The following PTPRG variants were observed in gnomAD, a reference collection of about 807,000 sequenced individuals.
PTPRG encodes the protein receptor-type tyrosine-protein phosphatase gamma.
Under a neutral mutation model 165.3 loss-of-function variants are expected in PTPRG, and 102 were observed. The ratio of observed to expected loss-of-function variants is 0.62; its 90% CI spans 0.53 to 0.73. PTPRG has a LOEUF of 0.73. Among genes scored for constraint, PTPRG ranks in the 30% least tolerant of loss-of-function variants. PTPRG has a pLI of 0.00. For synonymous variants in PTPRG, 675 were observed against 669.5 expected (o/e 1.01, Z -0.13); for missense variants, 1,866 against 1,861.4 (o/e 1.00, Z -0.05).
intron 4 of PTPRG, among the ~76,000 whole-genome samples, chr3:62,067,765 G>A (rs553441016): frequency 1.6e-4 from 25 of 152,278 alleles, no homozygotes; most frequent in Non-Finnish European, 3.5e-4. Context: ...ACAGGAGGCA[G>A]AGCTCAGTCA....
At chr3:62,150,823 T>A (rs1704306777) in intron 6 of PTPRG, among the ~76,000 whole-genome samples, 1 of 152,206 alleles carries the variant, frequency 6.6e-6, no homozygotes, top group Non-Finnish European at 1.5e-5. Flanking sequence ...CCACATCCTG[T>A]CCAAATAACC....
intron 1 of PTPRG, among the ~76,000 whole-genome samples, chr3:61,678,290 C>T (rs189370528): frequency 1.1e-4 from 16 of 152,116 alleles, no homozygotes; most frequent in Admixed American, 3.9e-4. Flanking sequence ...GGTAGCCCGA[C>T]GGGTTTAAAA....
At chr3:61,894,748 G>T (rs1359245674) in intron 2 of PTPRG, among the ~76,000 whole-genome samples, 2 of 152,182 alleles carry the variant, frequency 1.3e-5, no homozygotes, top group East Asian at 3.8e-4. Context: ...TCCTTGGGAT[G>T]AATCAGATTT....
intron 1 of PTPRG, among the ~76,000 whole-genome samples, chr3:61,684,242 T>G (rs1372305927): frequency 1.3e-5 from 2 of 152,254 alleles, no homozygotes; most frequent in Non-Finnish European, 1.5e-5. Flanking sequence ...GTGGTGATGG[T>G]GGGGGATCTC....
At chr3:62,015,579 C>G (rs1345883573) in intron 4 of PTPRG, among the ~76,000 whole-genome samples, 2 of 152,144 alleles carry the variant, frequency 1.3e-5, no homozygotes, top group Non-Finnish European at 2.9e-5. Context: ...TGGGCTAATG[C>G]AATCGTTCCA....
intron 2 of PTPRG, among the ~76,000 whole-genome samples, chr3:61,949,934 G>A (rs1036953520): frequency 2.0e-5 from 3 of 152,028 alleles, no homozygotes; most frequent in African/African-American, 7.2e-5. Context: ...TTTTAGTAGA[G>A]ACTGGATTTC....
chr3:61,884,751 T>C (rs2037983338), intron 2 of PTPRG, among the ~76,000 whole-genome samples: 1 of 152,222 alleles, frequency 6.6e-6, no homozygotes, highest in Non-Finnish European at 1.5e-5. Context: ...TTTATTTACC[T>C]TTCAAGGGCC....
At chr3:62,101,016 T>C (rs897421266) in intron 5 of PTPRG, among the ~76,000 whole-genome samples, 1 of 152,212 alleles carries the variant, frequency 6.6e-6, no homozygotes, top group Non-Finnish European at 1.5e-5. Flanking sequence ...TGTTAAGACA[T>C]TTGAAGAATC....
intron 2 of PTPRG, among the ~76,000 whole-genome samples, chr3:61,795,666 AAGT>A (rs1242838673): frequency 2.1e-5 from 3 of 143,132 alleles, no homozygotes; most frequent in African/African-American, 7.7e-5. Context: ...AAAAAAAAAA[AAGT>A]GGGAATAGTA....
At chr3:61,677,117 C>T (rs1466282568) in intron 1 of PTPRG, among the ~76,000 whole-genome samples, 2 of 151,884 alleles carry the variant, frequency 1.3e-5, no homozygotes, top group Middle Eastern at 3.2e-3. Flanking sequence ...TGGTGGCGGG[C>T]GCCTGTAGTC....
intron 28 of PTPRG, 58 bp from the exon 29 acceptor site, chr3:62,292,363 T>A: frequency 6.5e-7 from 1 of 1,533,732 alleles, no homozygotes; most frequent in Admixed American, 1.9e-5. Flanking sequence ...TAATTTCATT[T>A]CAATATATTT....
At chr3:62,207,751 T>C (rs1700264636) in intron 12 of PTPRG, among the ~76,000 whole-genome samples, 1 of 152,120 alleles carries the variant, frequency 6.6e-6, no homozygotes, top group Non-Finnish European at 1.5e-5. Flanking sequence ...TAATATATTA[T>C]CTCCCAGGGA....
intron 1 of PTPRG, among the ~76,000 whole-genome samples, chr3:61,668,609 G>T (rs1702876671): frequency 6.6e-6 from 1 of 152,108 alleles, no homozygotes; most frequent in Non-Finnish European, 1.5e-5. Context: ...CAGAAATTAT[G>T]CAAATTTTAC....
At chr3:62,182,507 C>T (rs60508602) in intron 8 of PTPRG, among the ~76,000 whole-genome samples, 6 of 152,008 alleles carry the variant, frequency 3.9e-5, no homozygotes, top group South Asian at 2.1e-4. Flanking sequence ...CTCTGTTTTA[C>T]GGAGATTCTG....
chr3:62,178,582 A>T (rs1056571107), intron 8 of PTPRG, among the ~76,000 whole-genome samples: 3 of 152,202 alleles, frequency 2.0e-5, no homozygotes, highest in African/African-American at 4.8e-5. Flanking sequence ...TGCCTCAAGG[A>T]ACAGCCTAAA....
intron 6 of PTPRG, among the ~76,000 whole-genome samples, chr3:62,156,616 T>C (rs367589877): frequency 2.0e-5 from 3 of 152,292 alleles, no homozygotes. Context: ...GATTCTCTCA[T>C]TGTGTCCCAA....
intron 4 of PTPRG, among the ~76,000 whole-genome samples, chr3:62,051,584 A>G (rs1214231209): frequency 6.6e-6 from 1 of 152,178 alleles, no homozygotes; most frequent in Non-Finnish European, 1.5e-5. Flanking sequence ...ACCTATTCAA[A>G]TTTCTAATCT....
intron 5 of PTPRG, among the ~76,000 whole-genome samples, chr3:62,110,852 T>C (rs1702645069): frequency 6.6e-6 from 1 of 152,142 alleles, no homozygotes; most frequent in Non-Finnish European, 1.5e-5. Context: ...TCAAGGAAAA[T>C]AAATAGTTTC....
At chr3:61,931,796 A>G (rs77389343) in intron 2 of PTPRG, among the ~76,000 whole-genome samples, 2,649 of 152,260 alleles carry the variant, frequency 0.017, 44 homozygotes, top group South Asian at 0.075. Flanking sequence ...CCATATTATC[A>G]TTTTTCATTG....
Sources: allele counts gnomAD v4.1 joint callset (sites outside exome capture counted in the v4.1 genomes callset), GRCh38; gene constraint gnomAD v4.1.1; transcripts MANE v1.5; gene names NCBI Gene and HGNC (gene_info 2026-07-23, HGNC 2026-07-21).